Variants in R3HDM2 observed in about 807,000 individuals in gnomAD.
R3HDM2 encodes the protein R3H domain containing 2.
R3HDM2 carries 38 observed loss-of-function variants against 124.5 expected under a neutral mutation model. That is an observed-to-expected ratio of 0.31 (90% confidence interval 0.24 to 0.40). R3HDM2 has a LOEUF of 0.40. Among genes scored for constraint, R3HDM2 ranks in the 10% least tolerant of loss-of-function variants. The pLI is 1.00. For synonymous variants in R3HDM2, 391 were observed against 448.0 expected (o/e 0.87, Z 1.61); for missense variants, 869 against 1,236.9 (o/e 0.70, Z 4.46).
intron 2 of R3HDM2, among the ~76,000 whole-genome samples, chr12:57,350,657 A>G (rs1249896605): frequency 6.6e-6 from 1 of 152,154 alleles, no homozygotes; most frequent in East Asian, 1.9e-4. Flanking sequence ...CCAAAAACAA[A>G]CAACTACATC....
rs574157370 is a variant in R3HDM2, at chr12:57,331,927, A to AT, written c.-35-21465dup. On this transcript the variant is annotated intron_variant, in intron 2 of 23. Coordinates refer to ENST00000402412, the MANE Select transcript of R3HDM2 (RefSeq NM_001394031.1). ...AGACTCTGTCTAAAAAAAAAAAAAA[A>AT]TTTTTTTTTTTAATTAGCTAGGCAT... 6.9e-4 allele frequency among the ~76,000 whole-genome samples: 101 copies of AT among 147,422 alleles called. No individual in the cohort carries two copies. In the South Asian group the frequency reaches 0.019, roughly 28 times the overall value.
intron 14 of R3HDM2, among the ~76,000 whole-genome samples, chr12:57,277,637 G>A (rs563983753): frequency 3.9e-5 from 6 of 152,066 alleles, no homozygotes; most frequent in African/African-American, 1.2e-4. Context: ...TAGTAGAGAC[G>A]TTGTTTCACC....
At chr12:57,274,476 CAAACA>C (rs200822813) in intron 14 of R3HDM2, among the ~76,000 whole-genome samples, 22 of 152,216 alleles carry the variant, frequency 1.4e-4, no homozygotes, top group Non-Finnish European at 2.9e-4. Context: ...GACTCCGTCT[CAAACA>C]AAACAAAACA....
chr12:57,333,073 T>C (rs944246376), intron 2 of R3HDM2, among the ~76,000 whole-genome samples: 2 of 152,158 alleles, frequency 1.3e-5, no homozygotes, highest in Non-Finnish European at 2.9e-5. Context: ...GAGAGGGAAA[T>C]TTCTATGAAT....
Position 57,254,729 on chromosome 12 carries a change from C to A in R3HDM2, c.*44G>T, listed in dbSNP as rs1467282468. The A allele has an allele frequency of 2.5e-5, 36 of 1,444,058 alleles. No individual in the cohort carries two copies. Among genetic ancestry groups the A allele is most frequent in the Non-Finnish European group, 3.4e-5 (36 of 1,059,988 alleles). 89.5% of individuals were successfully genotyped at this position (1,444,058 alleles called of 1,614,324 possible). A position where few individuals can be genotyped will look rare whatever the true frequency, so the allele number is the denominator to read the frequency against. On this transcript the variant is annotated 3_prime_UTR_variant, in exon 24 of 24. Transcript: ENST00000402412. ...GTCAGGATCCTTCAACCCCCTCCAC[C>A]CTGCCCTTGCTCCTTCTGTGACAGT...
intron 2 of R3HDM2, among the ~76,000 whole-genome samples, chr12:57,312,550 A>G (rs1195662197): frequency 1.3e-5 from 2 of 152,118 alleles, no homozygotes; most frequent in East Asian, 3.8e-4. Context: ...TTAGAGGGCC[A>G]GAGAGTCATT....
chr12:57,278,127 T>A (rs1327113374), intron 14 of R3HDM2, among the ~76,000 whole-genome samples: 1 of 152,138 alleles, frequency 6.6e-6, no homozygotes, highest in Non-Finnish European at 1.5e-5. Context: ...TCACAATTAA[T>A]CTCAAGAATG....
At position 57,386,317 on chromosome 12, in the gene R3HDM2, G is replaced by C. The variant is rs539807664; in HGVS notation, c.-36+9432C>G. 1.4e-4 allele frequency among the ~76,000 whole-genome samples: 21 copies of C among 152,354 alleles called. 1 individual carries two copies. The highest frequency in any genetic ancestry group is 2.8e-4 in the Non-Finnish European group (19 of 68,034). On this transcript the variant is annotated intron_variant, in intron 2 of 23. Coordinates refer to ENST00000402412, the MANE Select transcript of R3HDM2 (RefSeq NM_001394031.1). ...GCTTGCGGGGAGGTGTGGACGGAGAGGCACGGGCGGGAACCGAGGCTGCCC... is the reference window on the plus strand; with the variant it reads ...GCTTGCGGGGAGGTGTGGACGGAGACGCACGGGCGGGAACCGAGGCTGCCC...
At chr12:57,395,273 G>C (rs577462637) in intron 2 of R3HDM2, among the ~76,000 whole-genome samples, 12 of 152,140 alleles carry the variant, frequency 7.9e-5, no homozygotes, top group African/African-American at 2.4e-4. Flanking sequence ...TTAAGGCTGA[G>C]GCGGCCAGGT....
chr12:57,341,305 C>T, intron 2 of R3HDM2: 1 of 665,526 alleles, frequency 1.5e-6, no homozygotes, highest in Non-Finnish European at 1.9e-6. Context: ...ATTATAGCAC[C>T]TTTAAAACAT....
chr12:57,425,840 A>C (rs1216752130), intron 1 of R3HDM2, among the ~76,000 whole-genome samples: 1 of 152,156 alleles, frequency 6.6e-6, no homozygotes, highest in Non-Finnish European at 1.5e-5. Flanking sequence ...TCCTGAGCTA[A>C]AGAAGAGTAG....
intron 2 of R3HDM2, among the ~76,000 whole-genome samples, chr12:57,360,049 T>TATA (rs2061739660): frequency 7.6e-5 from 4 of 52,718 alleles, no homozygotes; most frequent in African/African-American, 2.0e-4. Context: ...ATATATATAT[T>TATA]TTTTTTTTTT....
chr12:57,377,630 C>G (rs566021516), intron 2 of R3HDM2, among the ~76,000 whole-genome samples: 1 of 152,268 alleles, frequency 6.6e-6, no homozygotes, highest in East Asian at 1.9e-4. Context: ...TTCTCAAAAA[C>G]TCAGTGTCAT....
At chr12:57,372,722 A>G (rs1259482559) in intron 2 of R3HDM2, among the ~76,000 whole-genome samples, 1 of 152,214 alleles carries the variant, frequency 6.6e-6, no homozygotes, top group Non-Finnish European at 1.5e-5. Context: ...TAGGTCTAAC[A>G]TCAATTTAGA....
intron 1 of R3HDM2, among the ~76,000 whole-genome samples, chr12:57,425,246 T>C (rs1399090653): frequency 1.3e-5 from 2 of 150,034 alleles, no homozygotes; most frequent in Non-Finnish European, 3.0e-5. Context: ...CACTCCAACC[T>C]GGGCAACAAG....
chr12:57,404,167 C>T lies in R3HDM2; in HGVS notation c.-105-8349G>A, dbSNP rs1480667810. On this transcript the variant is annotated intron_variant, in intron 1 of 23. Coordinates refer to ENST00000402412, the MANE Select transcript of R3HDM2 (RefSeq NM_001394031.1). ...ACAACCTCTGCCTCCCGGGTTCAAG[C>T]GATTCTCCTGCCTCATCCTCCCGAG... Among the ~76,000 whole-genome samples, 8 of 141,060 alleles carry T rather than the reference C, an allele frequency of 5.7e-5. No homozygotes were observed. In the East Asian group the frequency reaches 8.8e-4, roughly 16 times the overall value. 92.5% of individuals were successfully genotyped at this position (141,060 alleles called of 152,430 possible).
intron 2 of R3HDM2, among the ~76,000 whole-genome samples, chr12:57,329,322 C>T (rs2057780552): frequency 6.6e-6 from 1 of 152,116 alleles, no homozygotes; most frequent in South Asian, 2.1e-4. Context: ...TGTTATAGTA[C>T]ATAAGAACAG....
At chr12:57,395,086 T>C (rs1289401833) in intron 2 of R3HDM2, among the ~76,000 whole-genome samples, 1 of 152,042 alleles carries the variant, frequency 6.6e-6, no homozygotes, top group African/African-American at 2.4e-5. Context: ...GGTGGGCGCC[T>C]GTAATCCCAG....
Position 57,296,279 on chromosome 12 carries a change from A to G in R3HDM2, c.701+132T>C. Reference sequence around the variant, plus strand: ...GCAGTCTTCCCATCTTGGCCTCCCAAAGTGCTGGGATTACAGGTGTGAGCC... The same window carrying G: ...GCAGTCTTCCCATCTTGGCCTCCCAGAGTGCTGGGATTACAGGTGTGAGCC... On this transcript the variant is annotated intron_variant, in intron 9 of 23. Coordinates refer to ENST00000402412, the MANE Select transcript of R3HDM2 (RefSeq NM_001394031.1). The surrounding 1 kb of genome is among the most constrained non-coding windows in gnomAD (Gnocchi z 4.5). The G allele has an allele frequency of 9.4e-7, 1 of 1,059,816 alleles. No individual in the cohort carries two copies. Among genetic ancestry groups the G allele is most frequent in the Non-Finnish European group, 1.4e-6 (1 of 738,186 alleles). 65.7% of individuals were successfully genotyped at this position (1,059,816 alleles called of 1,614,324 possible). A position where few individuals can be genotyped will look rare whatever the true frequency, so the allele number is the denominator to read the frequency against.
Sources: allele counts gnomAD v4.1 joint callset (sites outside exome capture counted in the v4.1 genomes callset), GRCh38; gene constraint gnomAD v4.1.1; non-coding constraint Gnocchi (gnomAD v3.1); transcripts MANE v1.5; gene names NCBI Gene and HGNC (gene_info 2026-07-23, HGNC 2026-07-21).